Variants in DNAJC16 observed in about 807,000 individuals in gnomAD.
DNAJC16 encodes the protein DnaJ heat shock protein family (Hsp40) member C16.
A neutral mutation model predicts 92.7 loss-of-function variants in DNAJC16; 76 were observed. The ratio of observed to expected loss-of-function variants is 0.82; its 90% CI spans 0.68 to 0.99. The LOEUF (loss-of-function observed/expected upper bound fraction) is 0.99. Among genes scored for constraint, DNAJC16 ranks in the 50% least tolerant of loss-of-function variants. The pLI is 0.00. For missense variants in DNAJC16, 869 were observed against 942.4 expected (o/e 0.92, Z 1.02); for synonymous variants, 328 against 358.7 (o/e 0.91, Z 0.97).
chr1:15,571,249 C>T lies in DNAJC16; in HGVS notation c.*3072C>T, dbSNP rs562043452. 2.1e-4 allele frequency: 32 copies of T among 152,196 alleles called. No individual in the cohort carries two copies. The highest frequency in any genetic ancestry group is 7.2e-4 in the African/African-American group (30 of 41,530). 9.4% of individuals were successfully genotyped at this position (152,196 alleles called of 1,614,324 possible). ...TTGTTCCTTTTTATTTATTAACATC[C>T]CAATCAATTTGCAGCTGCCATCATT... On this transcript the variant is annotated 3_prime_UTR_variant, in exon 15 of 15. Coordinates refer to ENST00000375847, the MANE Select transcript of DNAJC16 (RefSeq NM_015291.4).
chr1:15,564,414 T>A, intron 11 of DNAJC16, 55 bp downstream of exon 11: 1 of 1,144,682 alleles, frequency 8.7e-7, no homozygotes. Flanking sequence ...GATATCACTG[T>A]TTTTCTTTTG....
At chr1:15,553,753 T>C (rs1282452283) in intron 7 of DNAJC16, among the ~76,000 whole-genome samples, 1 of 152,188 alleles carries the variant, frequency 6.6e-6, no homozygotes, top group Non-Finnish European at 1.5e-5. Flanking sequence ...AGGTCAGCAC[T>C]ATCCTGTTTT....
chr1:15,567,419 C>A, intron 14 of DNAJC16, 150 bp downstream of exon 14: 1 of 812,772 alleles, frequency 1.2e-6, no homozygotes. Context: ...ACATCTGAGC[C>A]ATTGCGACAG....
intron 1 of DNAJC16, among the ~76,000 whole-genome samples, chr1:15,528,752 G>A (rs976104867): frequency 6.6e-6 from 1 of 152,068 alleles, no homozygotes; most frequent in Non-Finnish European, 1.5e-5. Context: ...TTGAGAGGTA[G>A]TCGTCCTGAT....
chr1:15,570,292 G>A lies in DNAJC16; in HGVS notation c.*2115G>A, dbSNP rs1423563170. The A allele has an allele frequency of 6.6e-6, 1 of 152,092 alleles. No homozygotes were observed. Among genetic ancestry groups the A allele is most frequent in the Non-Finnish European group, 1.5e-5 (1 of 68,014 alleles). The allele number at this position is 152,092 out of a possible 1,614,324, so 9.4% of individuals were successfully genotyped here. A position where few individuals can be genotyped will look rare whatever the true frequency, so the allele number is the denominator to read the frequency against. ...CTTATATGAGTGGTCTTTTGGTTTG[G>A]TAGTAGGTTTTTATTTTTAATTTCT... On this transcript the variant is annotated 3_prime_UTR_variant, in exon 15 of 15. Coordinates refer to ENST00000375847, the MANE Select transcript of DNAJC16 (RefSeq NM_015291.4).
rs573663258 is a variant in DNAJC16, at chr1:15,539,352, TCTC to T, written c.574+2541_574+2543del. Among the ~76,000 whole-genome samples, 562 of 152,072 alleles carry T rather than the reference TCTC, an allele frequency of 3.7e-3. 3 individuals are homozygous for T. The highest frequency in any genetic ancestry group is 5.6e-3 in the Non-Finnish European group (382 of 67,982). On this transcript the variant is annotated intron_variant, in intron 4 of 14. Transcript: ENST00000375847. ...GCTCCGCCTCCCAGGTTCACACCGT[TCTC>T]CTGCCTCAGCCTCCCTAGTAGCTGG...
At chr1:15,532,274 C>A (rs1362697192) in intron 2 of DNAJC16, among the ~76,000 whole-genome samples, 1 of 152,178 alleles carries the variant, frequency 6.6e-6, no homozygotes, top group Admixed American at 6.5e-5. Context: ...CCAGTAGATA[C>A]TACACGCAAT....
intron 7 of DNAJC16, among the ~76,000 whole-genome samples, chr1:15,551,397 G>A (rs1471925516): frequency 2.6e-5 from 4 of 152,142 alleles, no homozygotes; most frequent in African/African-American, 9.7e-5. Context: ...AGACAACTAT[G>A]GTTATTTAGA....
chr1:15,561,443 G>T (rs780758063), intron 8 of DNAJC16, among the ~76,000 whole-genome samples: 86 of 152,300 alleles, frequency 5.6e-4, no homozygotes, highest in Non-Finnish European at 1.1e-3. Flanking sequence ...CCAGCACTTT[G>T]GGGGGCTGAG....
rs1004716701 is a variant in DNAJC16 at position 15,569,717 on chromosome 1, C to T, written c.*1540C>T. 1 of 151,000 alleles carries T rather than the reference C, an allele frequency of 6.6e-6. No homozygotes were observed. Among genetic ancestry groups the T allele is most frequent in the Non-Finnish European group, 1.5e-5 (1 of 67,880 alleles). The allele number at this position is 151,000 out of a possible 1,614,324, so 9.4% of individuals were successfully genotyped here. A position where few individuals can be genotyped will look rare whatever the true frequency, so the allele number is the denominator to read the frequency against. ...GTGAAATGGTGCGATCTCGGTTCACCGCAACCTCCACATCCCAGGTTCAAG... is the reference window on the plus strand; with the variant it reads ...GTGAAATGGTGCGATCTCGGTTCACTGCAACCTCCACATCCCAGGTTCAAG... On this transcript the variant is annotated 3_prime_UTR_variant, in exon 15 of 15. Transcript: ENST00000375847.
At chr1:15,537,375 G>A (rs970354564) in intron 4 of DNAJC16, among the ~76,000 whole-genome samples, 8 of 152,156 alleles carry the variant, frequency 5.3e-5, no homozygotes, top group Admixed American at 4.6e-4. Flanking sequence ...AGTGTGCTGT[G>A]GAAGAGGGCC....
Position 15,559,384 on chromosome 1 carries a change from G to A in DNAJC16, c.1024-142G>A, listed in dbSNP as rs554323594. On this transcript the variant is annotated intron_variant, in intron 7 of 14. Transcript: ENST00000375847. The stretch of plus-strand genomic sequence containing the variant: ...GAAATAGATCACCACATGTTTATTC[G>A]CTCAAACAGGTCTGTCTTGTTTGGT... 54 of 1,088,564 alleles carry A rather than the reference G, an allele frequency of 5.0e-5. 1 individual carries two copies. The highest frequency in any genetic ancestry group is 4.9e-4 in the South Asian group (31 of 63,358). The allele number at this position is 1,088,564 out of a possible 1,614,324, so 67.4% of individuals were successfully genotyped here. A position where few individuals can be genotyped will look rare whatever the true frequency, so the allele number is the denominator to read the frequency against.
At position 15,529,217 on chromosome 1, in the gene DNAJC16, C is replaced by G. The variant is rs769579850; in HGVS notation, c.112C>G (p.Arg38Gly). 6.2e-7 allele frequency: 1 copy of G among 1,613,020 alleles called. No homozygotes were observed. The highest frequency in any genetic ancestry group is 8.5e-7 in the Non-Finnish European group (1 of 1,179,292). Residue 38 changes from arginine (R) to glycine (G), a missense_variant, in exon 2 of 15, where the codon CGA (arginine) becomes GGA (glycine). Coordinates refer to ENST00000375847, the MANE Select transcript of DNAJC16 (RefSeq NM_015291.4). Reference sequence around the variant, plus strand: ...CCCATACAGAGTCCTAGGGGTCAGCCGAACAGCCAGTCAGGCTGATATTAA... The same window carrying G: ...CCCATACAGAGTCCTAGGGGTCAGCGGAACAGCCAGTCAGGCTGATATTAA... ...FDPYRVLGVS[R>G]TASQADIKKA... is the part of the protein sequence containing the mutation.
intron 1 of DNAJC16, among the ~76,000 whole-genome samples, chr1:15,528,220 G>A (rs1421371940): frequency 1.3e-5 from 2 of 152,196 alleles, no homozygotes; most frequent in Non-Finnish European, 2.9e-5. Flanking sequence ...ATCACCTGAG[G>A]TCAGGAGTTC....
chr1:15,548,292 A>G lies in DNAJC16; in HGVS notation c.887A>G (p.Asp296Gly). The G allele has an allele frequency of 1.2e-6, 2 of 1,614,014 alleles. No homozygotes were observed. The highest frequency in any genetic ancestry group is 1.7e-6 in the Non-Finnish European group (2 of 1,179,974). ...LYKLTAFAYK[D>G]YLSFGYVYVG... Reference sequence around the variant, plus strand: ...CAGTTGACTGCCTTTGCATACAAAGATTATTTATCATTTGGATATGTATAT... The same window carrying G: ...CAGTTGACTGCCTTTGCATACAAAGGTTATTTATCATTTGGATATGTATAT... The change falls in exon 7 of 15, where the codon GAT becomes GGT. Residue 296 changes from aspartate (D) to glycine (G), a missense_variant. Asp to Gly is a moderately conservative substitution (Grantham distance 94, BLOSUM62 -1). Transcript: ENST00000375847.
intron 4 of DNAJC16, among the ~76,000 whole-genome samples, chr1:15,540,292 GT>G (rs1165680411): frequency 6.6e-6 from 1 of 152,050 alleles, no homozygotes; most frequent in Non-Finnish European, 1.5e-5. Context: ...CGCCACTGCA[GT>G]CTGGCCTGGG....
At position 15,563,939 on chromosome 1, in the gene DNAJC16, T is replaced by C; in HGVS notation, c.1349T>C (p.Leu450Ser). Residue 450 changes from leucine (L) to serine (S), a missense_variant, in exon 10 of 15, where the codon TTA (leucine) becomes TCA (serine). Transcript: ENST00000375847. ...AFQGKSAVSI[L>S]ERRNTAGRVV... ...CTACTTTTCTTCCAGGTGTCTATTTTAGAAAGGCGCAACACAGCAGGAAGG... is the reference window on the plus strand; with the variant it reads ...CTACTTTTCTTCCAGGTGTCTATTTCAGAAAGGCGCAACACAGCAGGAAGG... 1 of 1,609,994 alleles carries C rather than the reference T, an allele frequency of 6.2e-7. No homozygotes were observed. The highest frequency in any genetic ancestry group is 8.5e-7 in the Non-Finnish European group (1 of 1,178,834).
chr1:15,529,089 T>C lies in DNAJC16; in HGVS notation c.-17T>C. On this transcript the variant is annotated splice_region_variant and 5_prime_UTR_variant, in exon 2 of 15. Coordinates refer to ENST00000375847, the MANE Select transcript of DNAJC16 (RefSeq NM_015291.4). ...TCATTGCCTCTTCAATCATTTCAGC[T>C]CTGGAAAGGAAGAGAAATGGAAGTG... 1.2e-6 allele frequency: 2 copies of C among 1,612,070 alleles called. No individual in the cohort carries two copies. Among genetic ancestry groups the C allele is most frequent in the African/African-American group, 1.3e-5 (1 of 74,990 alleles).
intron 5 of DNAJC16, 26 bp from the exon 6 acceptor site, chr1:15,546,741 G>C: frequency 6.6e-7 from 1 of 1,526,586 alleles, no homozygotes; most frequent in Non-Finnish European, 9.1e-7. Context: ...TAAATATTGA[G>C]ACTAACATTC....
Sources: gnomAD v4.1 joint callset for allele counts (sites outside exome capture counted in the v4.1 genomes callset) on GRCh38, gnomAD v4.1.1 for gene constraint, MANE v1.5 for transcripts, NCBI Gene and HGNC (gene_info 2026-07-23, HGNC 2026-07-21) for gene names.